ZNF502: variants seen among roughly 807,000 people sequenced by gnomAD.
ZNF502 encodes the protein zinc finger protein 502.
In ZNF502, 29 loss-of-function variants were observed where a neutral mutation model predicts 43.6. The observed-to-expected ratio is 0.67, with a 90% CI of 0.50 to 0.91. The LOEUF is 0.91. Among genes scored for constraint, ZNF502 ranks in the 40% least tolerant of loss-of-function variants. ZNF502 has a pLI of 0.00. For missense variants in ZNF502, 591 were observed against 647.2 expected, an observed-to-expected ratio of 0.91 and a Z score of 0.94; for synonymous variants, 171 against 207.4, an observed-to-expected ratio of 0.82 and a Z score of 1.51.
At chr3:44,720,424 C>T (rs1704281662) in intron 2 of ZNF502, 108 bp downstream of exon 2, 2 of 1,133,074 alleles carry the variant, frequency 1.8e-6, no homozygotes, top group African/African-American at 1.6e-5. Context: ...ATAACTGTCT[C>T]TTATAGGGAT....
At chr3:44,714,111 G>C (rs1704088059) in intron 1 of ZNF502, among the ~76,000 whole-genome samples, 1 of 152,192 alleles carries the variant, frequency 6.6e-6, no homozygotes. Context: ...ACTTCATCTA[G>C]CTTGCTTAGA....
In ZNF502 at chr3:44,722,034, C is replaced by G; in HGVS notation, c.1217C>G (p.Pro406Arg). ...KHQRIHTGER[P>R]YKCSECGKAF... is the part of the protein sequence containing the mutation. ...CAGAGAATACATACAGGGGAGAGAC[C>G]CTACAAATGCAGTGAATGTGGTAAA... Residue 406 changes from proline (P) to arginine (R), a missense_variant, in exon 3 of 3, where the codon CCC (proline) becomes CGC (arginine). By Grantham distance (103) the Pro-to-Arg change is moderately radical. Coordinates refer to ENST00000436624, the MANE Select transcript of ZNF502 (RefSeq NM_001134442.3). 6.2e-7 allele frequency: 1 copy of G among 1,614,106 alleles called. No individual in the cohort carries two copies. Among genetic ancestry groups the G allele is most frequent in the South Asian group, 1.1e-5 (1 of 91,070 alleles).
intron 1 of ZNF502, among the ~76,000 whole-genome samples, chr3:44,715,050 G>A (rs1704108615): frequency 6.6e-6 from 1 of 152,150 alleles, no homozygotes; most frequent in Non-Finnish European, 1.5e-5. Context: ...TATGTTTATT[G>A]AAGGAGAAGT....
rs561880279 is a variant in ZNF502, at chr3:44,712,691, C to G, written c.-109C>G. 1.2e-4 allele frequency: 19 copies of G among 152,440 alleles called. No individual in the cohort carries two copies. The highest frequency in any genetic ancestry group is 4.3e-4 in the African/African-American group (18 of 41,602). 9.4% of individuals were successfully genotyped at this position (152,440 alleles called of 1,614,324 possible). A position where few individuals can be genotyped will look rare whatever the true frequency, so the allele number is the denominator to read the frequency against. ...TAAGGCTGGTGTCCTGGCCCCAGTC[C>G]ACCTCTGGGAGCGCCTGCGCCGCTC... On this transcript the variant is annotated 5_prime_UTR_variant, in exon 1 of 3. Transcript: ENST00000436624.
Position 44,720,319 on chromosome 3 carries a change from G to T in ZNF502, c.55+3G>T, listed in dbSNP as rs1704276995. The T allele has an allele frequency of 1.2e-6, 2 of 1,613,854 alleles. No homozygotes were observed. The highest frequency in any genetic ancestry group is 1.3e-5 in the African/African-American group (1 of 74,894). On this transcript the variant is annotated splice_donor_region_variant and intron_variant, in intron 2 of 2. Coordinates refer to ENST00000436624, the MANE Select transcript of ZNF502 (RefSeq NM_001134442.3). ...CATTAGAAGAGAGACTTGTCCAGGT[G>T]AGTGAGCAAGGGACAAGCAGTGGGA...
In ZNF502 at chr3:44,720,438, G is replaced by A. The variant is rs6803808; in HGVS notation, c.55+122G>A. On this transcript the variant is annotated intron_variant, in intron 2 of 2. Transcript: ENST00000436624. ...AATAACTGTCTCTTATAGGGATGTT[G>A]GGGACAGGGGTGGGTGAACATGTCT... 9.9e-3 allele frequency: 9,567 copies of A among 963,822 alleles called. 107 individuals are homozygous for A. Among genetic ancestry groups the A allele is most frequent in the African/African-American group, 0.039 (2,351 of 60,828 alleles). 59.7% of individuals were successfully genotyped at this position (963,822 alleles called of 1,614,324 possible).
In ZNF502 at chr3:44,721,787, A is replaced by G. The variant is rs1250584917; in HGVS notation, c.970A>G (p.Lys324Glu). The change falls in exon 3 of 3, where the codon AAA becomes GAA. Residue 324 changes from lysine (K) to glutamate (E), a missense_variant. Lys to Glu is a moderately conservative substitution (Grantham distance 56). Coordinates refer to ENST00000436624, the MANE Select transcript of ZNF502 (RefSeq NM_001134442.3). ...AATTCACACTGGGGAAAAACCCCAT[A>G]AATGTGACGAATGTGGGAAAACTTT... is the stretch of plus-strand genomic sequence containing the variant. ...QRIHTGEKPH[K>E]CDECGKTFQT... The G allele has an allele frequency of 6.2e-7, 1 of 1,614,126 alleles. No individual in the cohort carries two copies. Among genetic ancestry groups the G allele is most frequent in the Non-Finnish European group, 8.5e-7 (1 of 1,180,002 alleles).
chr3:44,713,775 TCA>T (rs1704080295), intron 1 of ZNF502, among the ~76,000 whole-genome samples: 1 of 152,044 alleles, frequency 6.6e-6, no homozygotes, highest in Non-Finnish European at 1.5e-5. Context: ...AAACGGGGTT[TCA>T]CAGTGTTGGT....
At chr3:44,719,316 C>T (rs1425876240) in intron 1 of ZNF502, among the ~76,000 whole-genome samples, 3 of 152,212 alleles carry the variant, frequency 2.0e-5, no homozygotes, top group Admixed American at 2.0e-4. Context: ...GAAGCACAGA[C>T]TTCACTAAGA....
chr3:44,716,217 C>T (rs1352956969), intron 1 of ZNF502, among the ~76,000 whole-genome samples: 3 of 140,226 alleles, frequency 2.1e-5, no homozygotes, highest in Non-Finnish European at 4.6e-5. Flanking sequence ...GACGGAGTTT[C>T]GCTCTTGTCG....
At chr3:44,717,525 C>T (rs1704178932) in intron 1 of ZNF502, among the ~76,000 whole-genome samples, 1 of 151,488 alleles carries the variant, frequency 6.6e-6, no homozygotes, top group African/African-American at 2.4e-5. Flanking sequence ...GATTCTTCTG[C>T]CTCAGCCTCC....
At chr3:44,717,507 G>A (rs1704178650) in intron 1 of ZNF502, among the ~76,000 whole-genome samples, 2 of 150,234 alleles carry the variant, frequency 1.3e-5, no homozygotes, top group Non-Finnish European at 2.9e-5. Context: ...CGCCTCCCGG[G>A]TACAAGGGAT....
At position 44,721,901 on chromosome 3, in the gene ZNF502, C is replaced by T; in HGVS notation, c.1084C>T (p.Gln362Ter). The T allele has an allele frequency of 6.2e-7, 1 of 1,614,084 alleles. No individual in the cohort carries two copies. Among genetic ancestry groups the T allele is most frequent in the Non-Finnish European group, 8.5e-7 (1 of 1,179,964 alleles). ...TAAAGAATGTGGCAAAGCCTTTTGT[C>T]AGAGCCCATCTCTTATTAAACACCA... Reference protein sequence around the residue: ...KCKECGKAFCQSPSLIKHQRI... With the variant: ...KCKECGKAFC The change falls in exon 3 of 3, where the codon CAG becomes TAG. Residue 362 changes from glutamine to a stop codon, truncating the protein, a stop_gained. Transcript: ENST00000436624. LOFTEE classifies it high-confidence loss of function.
rs762969082 is a variant in ZNF502, at chr3:44,721,873, AT to A, written c.1057del (p.Cys353ValfsTer102). On this transcript the variant is annotated frameshift_variant, in exon 3 of 3. Coordinates refer to ENST00000436624, the MANE Select transcript of ZNF502 (RefSeq NM_001134442.3). LOFTEE classifies it high-confidence loss of function. Reference sequence around the variant, plus strand: ...TTCATAGTGGAGAGAAACCCTATAAATGTAAAGAATGTGGCAAAGCCTTTTG... The same window carrying A: ...TTCATAGTGGAGAGAAACCCTATAAAGTAAAGAATGTGGCAAAGCCTTTTG... The part of the protein sequence containing the change: ...RIHSGEKPYK[C>X]KECGKAFCQS... 6.2e-7 allele frequency: 1 copy of A among 1,613,988 alleles called. No homozygotes were observed. Among genetic ancestry groups the A allele is most frequent in the Non-Finnish European group, 8.5e-7 (1 of 1,179,930 alleles).
intron 1 of ZNF502, 46 bp downstream of exon 1, chr3:44,712,786 G>A (rs1384589822): frequency 6.6e-6 from 1 of 152,348 alleles, no homozygotes; most frequent in Non-Finnish European, 1.5e-5. Flanking sequence ...GGACCCCGGC[G>A]AGCCATTGCT....
At chr3:44,714,634 C>T (rs1377259941) in intron 1 of ZNF502, 9 of 152,194 alleles carry the variant, frequency 5.9e-5, no homozygotes, top group Non-Finnish European at 1.3e-4. Flanking sequence ...GCTGACAGCT[C>T]AGATGATCCA....
intron 1 of ZNF502, among the ~76,000 whole-genome samples, chr3:44,713,146 C>G (rs1263344089): frequency 6.6e-6 from 1 of 152,194 alleles, no homozygotes; most frequent in Admixed American, 6.5e-5. Context: ...TTATAGGAGA[C>G]GGCAAATAGC....
At chr3:44,715,233 C>T (rs1704114054) in intron 1 of ZNF502, among the ~76,000 whole-genome samples, 1 of 152,054 alleles carries the variant, frequency 6.6e-6, no homozygotes, top group Non-Finnish European at 1.5e-5. Context: ...TATATGTGTG[C>T]ATATTTCTTG....
intron 2 of ZNF502, 111 bp from the exon 3 acceptor site, chr3:44,720,762 G>A: frequency 8.2e-7 from 1 of 1,222,798 alleles, no homozygotes; most frequent in Middle Eastern, 2.3e-4. Context: ...GCTGTTACTG[G>A]CCCTTCATCA....
Sources: allele counts gnomAD v4.1 joint callset (sites outside exome capture counted in the v4.1 genomes callset), GRCh38; gene constraint gnomAD v4.1.1; transcripts MANE v1.5; gene names NCBI Gene and HGNC (gene_info 2026-07-23, HGNC 2026-07-21).